Variants in CUX2 observed in about 807,000 individuals in gnomAD.
The protein encoded by CUX2 is cut like homeobox 2.
A neutral mutation model predicts 144.8 loss-of-function variants in CUX2; 40 were observed. That is an observed-to-expected ratio of 0.28 (90% CI 0.21 to 0.36). The LOEUF is 0.36. CUX2 is among the 10% of genes least tolerant of loss of function. The pLI is 1.00. For missense variants in CUX2, 1,615 were observed against 1,994.0 expected (o/e 0.81, Z 3.62); for synonymous variants, 827 against 875.6 (o/e 0.94, Z 0.98).
chr12:111,118,935 A>G (rs1355425389), intron 1 of CUX2, among the ~76,000 whole-genome samples: 1 of 152,188 alleles, frequency 6.6e-6, no homozygotes, highest in Non-Finnish European at 1.5e-5. Context: ...GCAAAAAAAC[A>G]TGGGCTATCA....
At chr12:111,252,799 C>T (rs1883626014) in intron 3 of CUX2, among the ~76,000 whole-genome samples, 1 of 150,116 alleles carries the variant, frequency 6.7e-6, no homozygotes, top group South Asian at 2.1e-4. Context: ...TAGTGGCTCA[C>T]ACCTGTAATC....
intron 1 of CUX2, among the ~76,000 whole-genome samples, chr12:111,187,867 A>G (rs1879645224): frequency 6.6e-6 from 1 of 152,224 alleles, no homozygotes; most frequent in Non-Finnish European, 1.5e-5. Context: ...GCTGGCTCAG[A>G]TCTGTTGAAG....
chr12:111,142,187 A>G (rs1253333271), intron 1 of CUX2, among the ~76,000 whole-genome samples: 1 of 152,248 alleles, frequency 6.6e-6, no homozygotes, highest in East Asian at 1.9e-4. Context: ...TTAGATTTCC[A>G]AATGGGAAGG....
chr12:111,310,753 G>A lies in CUX2; in HGVS notation c.1900+71G>A, dbSNP rs1297930004. On this transcript the variant is annotated intron_variant, in intron 15 of 21. Coordinates refer to ENST00000261726, the MANE Select transcript of CUX2 (RefSeq NM_015267.4). This position sits in a 1 kb window ranked among gnomAD's most constrained non-coding sequence, Gnocchi z 7.9. The stretch of plus-strand genomic sequence containing the variant: ...CCAGGGCATCAGGGCTGGGGGCTGA[G>A]GACACGCGCTCTGGGTTCAAAGCCC... The A allele has an allele frequency of 1.3e-6, 2 of 1,489,936 alleles. No individual in the cohort carries two copies. The highest frequency in any genetic ancestry group is 1.8e-6 in the Non-Finnish European group (2 of 1,116,000). 92.3% of individuals were successfully genotyped at this position (1,489,936 alleles called of 1,614,324 possible). A position where few individuals can be genotyped will look rare whatever the true frequency, so the allele number is the denominator to read the frequency against.
chr12:111,328,580 T>TGTGTGTG (rs1887925613), intron 18 of CUX2, among the ~76,000 whole-genome samples: 10 of 135,752 alleles, frequency 7.4e-5, no homozygotes, highest in Admixed American at 6.0e-4. Flanking sequence ...CCAATTTCTT[T>TGTGTGTG]TGTGTGTGTG....
chr12:111,310,425 C>CT lies in CUX2; in HGVS notation c.1643_1644insT (p.Glu549ArgfsTer71). 1 of 1,612,004 alleles carries CT rather than the reference C, an allele frequency of 6.2e-7. No homozygotes were observed. The highest frequency in any genetic ancestry group is 8.5e-7 in the Non-Finnish European group (1 of 1,179,530). Reference sequence around the variant, plus strand: ...GGGGGCGGAGCGGCGGGGCCCGGGGCAGAGGAGGAGCAGCTGGACACGGCA... The same window carrying CT: ...GGGGGCGGAGCGGCGGGGCCCGGGGCTAGAGGAGGAGCAGCTGGACACGGCA... On this transcript the variant is annotated frameshift_variant, in exon 15 of 22. Coordinates refer to ENST00000261726, the MANE Select transcript of CUX2 (RefSeq NM_015267.4). LOFTEE classifies it high-confidence loss of function. This position sits in a 1 kb window ranked among gnomAD's most constrained non-coding sequence, Gnocchi z 7.9.
intron 1 of CUX2, among the ~76,000 whole-genome samples, chr12:111,113,113 G>T (rs936453722): frequency 6.6e-6 from 1 of 152,130 alleles, no homozygotes; most frequent in Non-Finnish European, 1.5e-5. Flanking sequence ...AGACCCTGAG[G>T]CCTGGAGCCC....
At chr12:111,040,810 G>T (rs1183671250) in intron 1 of CUX2, among the ~76,000 whole-genome samples, 1 of 152,162 alleles carries the variant, frequency 6.6e-6, no homozygotes, top group Admixed American at 6.5e-5. Context: ...CCATTAGCAT[G>T]AAACAGCCAC....
At chr12:111,087,946 C>T (rs1357356184) in intron 1 of CUX2, among the ~76,000 whole-genome samples, 1 of 152,156 alleles carries the variant, frequency 6.6e-6, no homozygotes, top group Non-Finnish European at 1.5e-5. Context: ...CACCCCCACA[C>T]CGAGGAGCAC....
At chr12:111,134,641 T>TGG (rs915050284) in intron 1 of CUX2, among the ~76,000 whole-genome samples, 3 of 152,138 alleles carry the variant, frequency 2.0e-5, no homozygotes, top group Non-Finnish European at 4.4e-5. Context: ...TGTGTGTGTG[T>TGG]GTGTGTGTTT....
chr12:111,271,855 A>G (rs1327017672), intron 4 of CUX2, among the ~76,000 whole-genome samples: 1 of 152,192 alleles, frequency 6.6e-6, no homozygotes, highest in African/African-American at 2.4e-5. Flanking sequence ...CACTCTTTGT[A>G]TATGGGGGAT....
chr12:111,152,848 G>A (rs2136138986), intron 1 of CUX2, among the ~76,000 whole-genome samples: 1 of 152,356 alleles, frequency 6.6e-6, no homozygotes, highest in South Asian at 2.1e-4. Context: ...AGCCGCTCTA[G>A]ATGGGGCCTG....
chr12:111,203,226 T>G (rs1289185920), intron 1 of CUX2, among the ~76,000 whole-genome samples: 2 of 112,848 alleles, frequency 1.8e-5, no homozygotes, highest in Non-Finnish European at 3.3e-5. Flanking sequence ...AATGAGACTC[T>G]GTCTCAAAAA....
chr12:111,285,368 T>C (rs1885326940), intron 4 of CUX2, among the ~76,000 whole-genome samples: 1 of 152,126 alleles, frequency 6.6e-6, no homozygotes, highest in Non-Finnish European at 1.5e-5. Context: ...CATCTGACCC[T>C]CTGCCAGGGG....
chr12:111,200,257 C>A (rs1880498628), intron 1 of CUX2, among the ~76,000 whole-genome samples: 1 of 151,978 alleles, frequency 6.6e-6, no homozygotes, highest in African/African-American at 2.4e-5. Flanking sequence ...ACAGGGGAGG[C>A]AGTTGGGGGT....
At chr12:111,062,017 T>C (rs1203702546) in intron 1 of CUX2, among the ~76,000 whole-genome samples, 1 of 152,158 alleles carries the variant, frequency 6.6e-6, no homozygotes, top group Non-Finnish European at 1.5e-5. Flanking sequence ...CAGGGTTAGA[T>C]GAGTGAATTT....
rs947815313 is a variant in CUX2 at position 111,064,421 on chromosome 12, G to A, written c.63+30181G>A. Among the ~76,000 whole-genome samples, 18 of 152,338 alleles carry A rather than the reference G, an allele frequency of 1.2e-4. No individual in the cohort carries two copies. The East Asian group carries it at 3.3e-3, about 28-fold the overall frequency. The stretch of plus-strand genomic sequence containing the variant: ...TTAAACATACGCTTATAACATTCAA[G>A]TGGTGTCAGTTGGCATCATGCACAA... On this transcript the variant is annotated intron_variant, in intron 1 of 21. Coordinates refer to ENST00000261726, the MANE Select transcript of CUX2 (RefSeq NM_015267.4).
intron 1 of CUX2, among the ~76,000 whole-genome samples, chr12:111,173,607 G>T (rs1008438074): frequency 6.6e-6 from 1 of 152,208 alleles, no homozygotes; most frequent in Non-Finnish European, 1.5e-5. Flanking sequence ...GAGGTGAGGA[G>T]GCAGCAGCAG....
rs76321177 is a variant in CUX2 at position 111,082,573 on chromosome 12, G to A, written c.63+48333G>A. ...TCGCCCCTGGGATGTTAAAGCCCAGGGTGTAGGGACAGAGGAAAGAGAGTG... is the reference window on the plus strand; with the variant it reads ...TCGCCCCTGGGATGTTAAAGCCCAGAGTGTAGGGACAGAGGAAAGAGAGTG... On this transcript the variant is annotated intron_variant, in intron 1 of 21. Coordinates refer to ENST00000261726, the MANE Select transcript of CUX2 (RefSeq NM_015267.4). Among the ~76,000 whole-genome samples, 827 of 152,284 alleles carry A rather than the reference G, an allele frequency of 5.4e-3. 12 individuals are homozygous for A. The highest frequency in any genetic ancestry group is 0.019 in the African/African-American group (780 of 41,542).
Sources: allele counts gnomAD v4.1 joint callset (sites outside exome capture counted in the v4.1 genomes callset), GRCh38; gene constraint gnomAD v4.1.1; non-coding constraint Gnocchi (gnomAD v3.1); transcripts MANE v1.5; gene names NCBI Gene and HGNC (gene_info 2026-07-23, HGNC 2026-07-21).